KCND2: variants seen among roughly 807,000 people sequenced by gnomAD.
KCND2 encodes A-type voltage-gated potassium channel KCND2.
In KCND2, 16 loss-of-function variants were observed where a neutral mutation model predicts 54.4. The ratio of observed to expected loss-of-function variants is 0.29; its 90% CI spans 0.20 to 0.45. KCND2 has a LOEUF of 0.45. KCND2 is among the 20% of genes least tolerant of loss of function. KCND2 has a pLI of 1.00. For synonymous variants in KCND2, 317 were observed against 310.7 expected (o/e 1.02, Z -0.21); for missense variants, 486 against 824.2 (o/e 0.59, Z 5.02).
At position 120,295,347 on chromosome 7, in the gene KCND2, A is replaced by AACAC. The variant is rs56748699; in HGVS notation, c.1115+19642_1115+19645dup. On this transcript the variant is annotated intron_variant, in intron 1 of 5. Coordinates refer to ENST00000331113, the MANE Select transcript of KCND2 (RefSeq NM_012281.3). ...GCCCTGAAAAAATATGTCATAGAGT[A>AACAC]ACACACACACACACACACACACACA... Among the ~76,000 whole-genome samples, 330 of 141,498 alleles carry AACAC rather than the reference A, an allele frequency of 2.3e-3. 1 individual carries two copies. Among genetic ancestry groups the AACAC allele is most frequent in the Middle Eastern group, 3.6e-3 (1 of 274 alleles). The allele number at this position is 141,498 out of a possible 152,430, so 92.8% of individuals were successfully genotyped here.
intron 1 of KCND2, among the ~76,000 whole-genome samples, chr7:120,490,665 G>C (rs1045918027): frequency 1.3e-5 from 2 of 152,094 alleles, no homozygotes; most frequent in African/African-American, 4.8e-5. Context: ...GGTGCAGAGT[G>C]ATATTCATGG....
At chr7:120,589,774 T>C (rs1290837784) in intron 1 of KCND2, among the ~76,000 whole-genome samples, 1 of 152,214 alleles carries the variant, frequency 6.6e-6, no homozygotes, top group Non-Finnish European at 1.5e-5. Flanking sequence ...ACTGAGACTT[T>C]GGGCAAGTCT....
intron 1 of KCND2, among the ~76,000 whole-genome samples, chr7:120,289,525 G>A (rs1799404939): frequency 6.6e-6 from 1 of 151,950 alleles, no homozygotes; most frequent in Non-Finnish European, 1.5e-5. Context: ...AGGATAACAG[G>A]GAAAATAAAA....
chr7:120,573,552 T>C (rs1792391685), intron 1 of KCND2, among the ~76,000 whole-genome samples: 1 of 152,328 alleles, frequency 6.6e-6, no homozygotes, highest in Non-Finnish European at 1.5e-5. Context: ...TAAAGTGGGC[T>C]GCTCCTCCTA....
At chr7:120,718,307 A>G (rs538676743) in intron 1 of KCND2, among the ~76,000 whole-genome samples, 1 of 152,304 alleles carries the variant, frequency 6.6e-6, no homozygotes, top group African/African-American at 2.4e-5. Context: ...TTGTTCCTTC[A>G]AAGTCAGACT....
At chr7:120,320,786 C>T (rs73431910) in intron 1 of KCND2, among the ~76,000 whole-genome samples, 3,242 of 152,192 alleles carry the variant, frequency 0.021, 130 homozygotes, top group African/African-American at 0.074. Flanking sequence ...GAGGTGATTG[C>T]TCTGTCGCTA....
chr7:120,400,749 G>A (rs917555714), intron 1 of KCND2, among the ~76,000 whole-genome samples: 3 of 152,058 alleles, frequency 2.0e-5, no homozygotes, highest in Non-Finnish European at 2.9e-5. Flanking sequence ...AATTCAGTAG[G>A]CTATGCAGTC....
At chr7:120,433,520 C>T (rs910894469) in intron 1 of KCND2, among the ~76,000 whole-genome samples, 1 of 152,202 alleles carries the variant, frequency 6.6e-6, no homozygotes, top group Non-Finnish European at 1.5e-5. Context: ...ACACATCTCA[C>T]TGCATTTTAA....
intron 1 of KCND2, among the ~76,000 whole-genome samples, chr7:120,304,795 A>G (rs1450270253): frequency 6.6e-6 from 1 of 152,032 alleles, no homozygotes; most frequent in Non-Finnish European, 1.5e-5. Flanking sequence ...ACTGTTGTTA[A>G]ATTAGAGAAG....
chr7:120,714,264 C>T (rs940857144), intron 1 of KCND2, among the ~76,000 whole-genome samples: 3 of 151,768 alleles, frequency 2.0e-5, no homozygotes, highest in Non-Finnish European at 4.4e-5. Context: ...TTTAATTTCC[C>T]AGCTAAAGTT....
In KCND2 at chr7:120,592,297, C is replaced by A. The variant is rs531367366; in HGVS notation, c.1116-140606C>A. 8.6e-4 allele frequency among the ~76,000 whole-genome samples: 131 copies of A among 152,196 alleles called. 1 individual carries two copies. Among genetic ancestry groups the A allele is most frequent in the Non-Finnish European group, 1.4e-3 (98 of 68,008 alleles). ...GGTGCAGTGGCTCATGCCTGTAGTCCCAGCACTTTGGGAGGTGGAAGCCGG... is the reference window on the plus strand; with the variant it reads ...GGTGCAGTGGCTCATGCCTGTAGTCACAGCACTTTGGGAGGTGGAAGCCGG... On this transcript the variant is annotated intron_variant, in intron 1 of 5. Coordinates refer to ENST00000331113, the MANE Select transcript of KCND2 (RefSeq NM_012281.3).
At chr7:120,545,505 G>T (rs1792031812) in intron 1 of KCND2, among the ~76,000 whole-genome samples, 1 of 151,878 alleles carries the variant, frequency 6.6e-6, no homozygotes, top group African/African-American at 2.4e-5. Flanking sequence ...CTCTATTCTT[G>T]AAGATGAAAT....
chr7:120,737,752 T>A (rs1206219838), intron 2 of KCND2, among the ~76,000 whole-genome samples: 1 of 151,994 alleles, frequency 6.6e-6, no homozygotes, highest in East Asian at 1.9e-4. Flanking sequence ...AAGAAACAAC[T>A]GTAAGCAAAA....
intron 1 of KCND2, among the ~76,000 whole-genome samples, chr7:120,393,628 T>C (rs964352422): frequency 6.6e-6 from 1 of 152,006 alleles, no homozygotes; most frequent in Non-Finnish European, 1.5e-5. Flanking sequence ...TATGGAAATA[T>C]ATGAAGATTT....
chr7:120,733,140 G>A, intron 2 of KCND2, 75 bp downstream of exon 2: 4 of 1,452,870 alleles, frequency 2.8e-6, no homozygotes, highest in Non-Finnish European at 3.9e-6. Flanking sequence ...TTTCTTAATG[G>A]TTATTCAGTG....
intron 1 of KCND2, among the ~76,000 whole-genome samples, chr7:120,664,539 A>C (rs1000557052): frequency 6.6e-6 from 1 of 152,052 alleles, no homozygotes; most frequent in Non-Finnish European, 1.5e-5. Context: ...ACAACAAAAA[A>C]TACATATTTA....
chr7:120,374,269 T>G (rs1010483301), intron 1 of KCND2, among the ~76,000 whole-genome samples: 1 of 151,816 alleles, frequency 6.6e-6, no homozygotes, highest in Non-Finnish European at 1.5e-5. Context: ...TTATGACAAT[T>G]TTTACCTCAT....
chr7:120,613,497 C>T (rs1191698566), intron 1 of KCND2, among the ~76,000 whole-genome samples: 1 of 152,150 alleles, frequency 6.6e-6, no homozygotes. Flanking sequence ...CGCCACTGCT[C>T]TCCAGCCTGG....
At chr7:120,558,782 T>G (rs1386192784) in intron 1 of KCND2, among the ~76,000 whole-genome samples, 2 of 152,148 alleles carry the variant, frequency 1.3e-5, no homozygotes, top group African/African-American at 2.4e-5. Context: ...GTTGCCTGTT[T>G]CCTTAAAATA....
Sources: allele counts gnomAD v4.1 joint callset (sites outside exome capture counted in the v4.1 genomes callset), GRCh38; gene constraint gnomAD v4.1.1; transcripts MANE v1.5; gene names NCBI Gene and HGNC (gene_info 2026-07-23, HGNC 2026-07-21).